ZC3H3: variants seen among roughly 807,000 people sequenced by gnomAD.
ZC3H3 encodes zinc finger CCCH-type containing 3, also known as zinc finger CCCH domain-containing protein 3.
A neutral mutation model predicts 77.3 loss-of-function variants in ZC3H3; 36 were observed. That is an observed-to-expected ratio of 0.47 (90% confidence interval 0.36 to 0.61). ZC3H3 has a LOEUF of 0.61. Ranked by LOEUF, ZC3H3 falls within the 20% of genes least tolerant of loss-of-function variation. The probability of loss-of-function intolerance (pLI) is 0.00; values close to 1 mark genes in which losing one functional copy is unlikely to be tolerated. For synonymous variants in ZC3H3, 626 were observed against 555.2 expected (o/e 1.13, Z -1.79); for missense variants, 1,331 against 1,312.2 (o/e 1.01, Z -0.22).
chr8:143,510,041 C>T (rs1220086916), intron 3 of ZC3H3, among the ~76,000 whole-genome samples: 1 of 152,170 alleles, frequency 6.6e-6, no homozygotes, highest in Non-Finnish European at 1.5e-5. Flanking sequence ...GCAGGCAGGG[C>T]CTGGCGGGCG....
intron 8 of ZC3H3, among the ~76,000 whole-genome samples, chr8:143,467,160 T>A (rs1820431799): frequency 6.6e-6 from 1 of 152,104 alleles, no homozygotes; most frequent in Non-Finnish European, 1.5e-5. Context: ...ATTCCCTTAA[T>A]GTGGTTTTTG....
At chr8:143,534,288 A>AC (rs1339429700) in intron 3 of ZC3H3, among the ~76,000 whole-genome samples, 1 of 151,284 alleles carries the variant, frequency 6.6e-6, no homozygotes. Context: ...TTAAAAAAAA[A>AC]AAAAAAAACG....
At chr8:143,453,011 C>G (rs942997252) in intron 9 of ZC3H3, among the ~76,000 whole-genome samples, 1 of 152,088 alleles carries the variant, frequency 6.6e-6, no homozygotes. Context: ...CAGGATAGAC[C>G]AAAGACATCT....
chr8:143,478,091 G>C (rs978612339), intron 4 of ZC3H3, among the ~76,000 whole-genome samples: 1 of 152,210 alleles, frequency 6.6e-6, no homozygotes, highest in Non-Finnish European at 1.5e-5. Context: ...CCACAAAGCA[G>C]GAAGGACGAG....
chr8:143,538,945 G>A lies in ZC3H3; in HGVS notation c.422C>T (p.Ala141Val), dbSNP rs748458246. 13 of 1,612,928 alleles carry A rather than the reference G, an allele frequency of 8.1e-6. No individual in the cohort carries two copies. In the African/African-American group the frequency reaches 1.7e-4, roughly 22 times the overall value. ...SKSGSASASGAQRGSLEEFEE... is the reference protein window; with the variant it reads ...SKSGSASASGVQRGSLEEFEE... ...AAATTCTTCCAAAGAGCCCCGCTGG[G>A]CCCCTGAGGCACTGGCAGAGCCAGA... Residue 141 changes from alanine to valine, a missense_variant, in exon 2 of 12, where the codon GCC (alanine) becomes GTC (valine). Around this residue, in one of 3 missense-constraint regions of ZC3H3, gnomAD observed 978 missense variants for 915.5 expected, o/e 1.07. Transcript: ENST00000262577.
Position 143,440,216 on chromosome 8 carries a change from T to G in ZC3H3, c.2640A>C (p.Ser880=), listed in dbSNP as rs1819699837. ...CGTGGTCCAAGGAAGCGGGAGGGGA[T>G]GAGGAGGAGGAGGAGGAGGAGGAAG... ...SKASSSSSSS[S]SPPASLDHEA... The change falls in exon 11 of 12, where the codon TCA becomes TCC. Residue 880 remains serine, a synonymous_variant. Coordinates refer to ENST00000262577, the MANE Select transcript of ZC3H3 (RefSeq NM_015117.3). The G allele has an allele frequency of 1.3e-6, 2 of 1,568,102 alleles. No individual in the cohort carries two copies. Among genetic ancestry groups the G allele is most frequent in the Admixed American group, 3.5e-5 (2 of 57,780 alleles).
chr8:143,488,955 T>C (rs935719138), intron 4 of ZC3H3, among the ~76,000 whole-genome samples: 2 of 152,212 alleles, frequency 1.3e-5, no homozygotes, highest in Non-Finnish European at 2.9e-5. Context: ...CCGCTGTCCA[T>C]GTTTCTGCCC....
intron 9 of ZC3H3, among the ~76,000 whole-genome samples, chr8:143,445,762 C>T (rs1819850622): frequency 6.6e-6 from 1 of 152,072 alleles, no homozygotes; most frequent in African/African-American, 2.4e-5. Flanking sequence ...GCCATCCCCA[C>T]AGGCTGGCAG....
intron 3 of ZC3H3, among the ~76,000 whole-genome samples, chr8:143,512,329 T>A (rs926871290): frequency 1.3e-5 from 2 of 152,242 alleles, no homozygotes; most frequent in African/African-American, 2.4e-5. Flanking sequence ...ACAGCTGCCC[T>A]GGCACCTCAC....
At chr8:143,438,178 G>A (rs1819634465) in intron 11 of ZC3H3, 91 bp from the exon 12 acceptor site, 4 of 1,502,942 alleles carry the variant, frequency 2.7e-6, no homozygotes, top group Non-Finnish European at 2.7e-6. Context: ...AGGATCGGGG[G>A]GCTCTGTCAG....
intron 9 of ZC3H3, among the ~76,000 whole-genome samples, chr8:143,446,807 G>A (rs1242418024): frequency 2.6e-5 from 4 of 152,264 alleles, no homozygotes; most frequent in African/African-American, 9.6e-5. Context: ...CTGAGGCACT[G>A]CTTCCCACAG....
In ZC3H3 at chr8:143,460,771, G is replaced by A. The variant is rs779491336; in HGVS notation, c.2307+4946C>T. Among the ~76,000 whole-genome samples, 14 of 152,214 alleles carry A rather than the reference G, an allele frequency of 9.2e-5. No individual in the cohort carries two copies. Among genetic ancestry groups the A allele is most frequent in the Non-Finnish European group, 1.8e-4 (12 of 68,038 alleles). ...CCTGGAAACATTATGCCGGGTGAAA[G>A]ATGCCAGACACCAAAGGACAGATGC... On this transcript the variant is annotated intron_variant, in intron 9 of 11. Transcript: ENST00000262577. This position sits in a 1 kb window ranked among gnomAD's most constrained non-coding sequence, Gnocchi z 4.0.
chr8:143,523,174 C>T (rs1193879367), intron 3 of ZC3H3, among the ~76,000 whole-genome samples: 1 of 152,236 alleles, frequency 6.6e-6, no homozygotes, highest in South Asian at 2.1e-4. Context: ...CTGGCCACTA[C>T]TCCCTCGTCA....
chr8:143,536,991 C>T (rs981241630), intron 2 of ZC3H3, among the ~76,000 whole-genome samples: 3 of 152,008 alleles, frequency 2.0e-5, no homozygotes, highest in East Asian at 1.9e-4. Flanking sequence ...CGCCTCAACA[C>T]GGCACCTATC....
chr8:143,535,371 G>A (rs1486758271), intron 3 of ZC3H3, among the ~76,000 whole-genome samples: 1 of 152,102 alleles, frequency 6.6e-6, no homozygotes, highest in East Asian at 1.9e-4. Context: ...GTTCCCAGTC[G>A]GAGTGCCCAG....
chr8:143,479,184 G>A (rs139979449), intron 4 of ZC3H3, among the ~76,000 whole-genome samples: 2 of 152,352 alleles, frequency 1.3e-5, no homozygotes, highest in South Asian at 4.1e-4. Context: ...GCTGTCTAGG[G>A]TTGCCCTCAC....
intron 4 of ZC3H3, chr8:143,484,924 C>T (rs1343174671): frequency 3.1e-5 from 14 of 452,632 alleles, no homozygotes; most frequent in South Asian, 7.8e-5. Context: ...AAACTTCATG[C>T]GGCCCTTGCA....
At chr8:143,502,499 C>T (rs1008203316) in intron 4 of ZC3H3, among the ~76,000 whole-genome samples, 67 of 152,342 alleles carry the variant, frequency 4.4e-4, no homozygotes, top group Admixed American at 1.8e-3. Context: ...TAAGATTTAC[C>T]GCACAGACAC....
intron 11 of ZC3H3, 38 bp downstream of exon 11, chr8:143,440,003 G>A: frequency 6.9e-7 from 1 of 1,458,548 alleles, no homozygotes; most frequent in South Asian, 1.4e-5. Context: ...CCTTGGTGAG[G>A]GGGGCCCTGG....
Sources: gnomAD v4.1 joint callset for allele counts (sites outside exome capture counted in the v4.1 genomes callset) on GRCh38, gnomAD v4.1.1 for gene constraint, gnomAD v4.1.1 regional missense constraint, Gnocchi (gnomAD v3.1) non-coding constraint, MANE v1.5 for transcripts, NCBI Gene and HGNC (gene_info 2026-07-23, HGNC 2026-07-21) for gene names.